Variants in PRXL2B observed in about 807,000 individuals in gnomAD.
PRXL2B encodes the protein peroxiredoxin like 2B.
PRXL2B carries 26 observed loss-of-function variants against 24.4 expected under a neutral mutation model. The ratio of observed to expected loss-of-function variants is 1.07; its 90% CI spans 0.78 to 1.48. PRXL2B has a LOEUF of 1.48. Ranked by LOEUF, PRXL2B falls within the 40% of genes most tolerant of loss-of-function variation. The pLI, the probability that PRXL2B is intolerant of heterozygous loss-of-function variation, is 0.00. For synonymous variants in PRXL2B, 115 were observed against 118.9 expected (o/e 0.97, Z 0.21); for missense variants, 269 against 264.8 (o/e 1.02, Z -0.11).
chr1:2,588,489 G>T lies in PRXL2B; in HGVS notation c.384+36G>T, dbSNP rs531113959. On this transcript the variant is annotated intron_variant, in intron 4 of 6. Coordinates refer to ENST00000419916, the MANE Select transcript of PRXL2B (RefSeq NM_152371.5). ...GTCAAGGGTGTACAGGCCGGGGGGT[G>T]GTGGGAGCTCCCAGGAGCCTTTCTT... 3.1e-6 allele frequency: 5 copies of T among 1,613,790 alleles called. No individual in the cohort carries two copies. The South Asian group carries it at 5.5e-5, about 18-fold the overall frequency.
chr1:2,589,726 T>A lies in PRXL2B; in HGVS notation c.*299T>A. 1 of 539,534 alleles carries A rather than the reference T, an allele frequency of 1.9e-6. No homozygotes were observed. The highest frequency in any genetic ancestry group is 4.7e-4 in the Middle Eastern group (1 of 2,124). The allele number at this position is 539,534 out of a possible 1,614,324, so 33.4% of individuals were successfully genotyped here. ...GCTCTGCGACTTTCTCTGGAGACCT[T>A]GGGCCTTTGGCCTGTGGGGCACTGG... On this transcript the variant is annotated 3_prime_UTR_variant, in exon 7 of 7. Transcript: ENST00000419916.
chr1:2,587,676 T>C lies in PRXL2B; in HGVS notation c.269-65T>C. Reference sequence around the variant, plus strand: ...GGTCGGAAGGAGGAGGGCGATTCTTTGTGGTGAGTGGGTTGGGGGCTGGTT... The same window carrying C: ...GGTCGGAAGGAGGAGGGCGATTCTTCGTGGTGAGTGGGTTGGGGGCTGGTT... On this transcript the variant is annotated intron_variant, in intron 2 of 6. Coordinates refer to ENST00000419916, the MANE Select transcript of PRXL2B (RefSeq NM_152371.5). The surrounding 1 kb of genome is among the most constrained non-coding windows in gnomAD (Gnocchi z 6.1). 1 of 1,537,514 alleles carries C rather than the reference T, an allele frequency of 6.5e-7. No individual in the cohort carries two copies. Among genetic ancestry groups the C allele is most frequent in the East Asian group, 2.4e-5 (1 of 42,204 alleles).
In PRXL2B at chr1:2,587,106, A is replaced by G; in HGVS notation, c.79A>G (p.Ser27Gly). 6.5e-7 allele frequency: 1 copy of G among 1,545,276 alleles called. No individual in the cohort carries two copies. The highest frequency in any genetic ancestry group is 8.7e-7 in the Non-Finnish European group (1 of 1,153,340). ...AVTGEAVELR[S>G]LWREHACVVA... ...CGCCCGGCAGGCCGTGGAGCTGCGGAGCCTGTGGCGGGAGCACGCGTGCGT... is the reference window on the plus strand; with the variant it reads ...CGCCCGGCAGGCCGTGGAGCTGCGGGGCCTGTGGCGGGAGCACGCGTGCGT... The change falls in exon 2 of 7, where the codon AGC becomes GGC. Residue 27 changes from serine (S) to glycine (G), a missense_variant. Coordinates refer to ENST00000419916, the MANE Select transcript of PRXL2B (RefSeq NM_152371.5). This position sits in a 1 kb window ranked among gnomAD's most constrained non-coding sequence, Gnocchi z 6.1.
In PRXL2B at chr1:2,589,791, G is replaced by T. The variant is rs914342917; in HGVS notation, c.*364G>T. 2.8e-5 allele frequency: 10 copies of T among 358,602 alleles called. No individual in the cohort carries two copies. The highest frequency in any genetic ancestry group is 5.1e-5 in the Non-Finnish European group (10 of 194,812). The allele number at this position is 358,602 out of a possible 1,614,324, so 22.2% of individuals were successfully genotyped here. ...CTGCCCCGTCACTCCCTTCAAAGGC[G>T]ACAGACCCAAGCCCACGTCAGGAGA... On this transcript the variant is annotated 3_prime_UTR_variant, in exon 7 of 7. Coordinates refer to ENST00000419916, the MANE Select transcript of PRXL2B (RefSeq NM_152371.5).
At position 2,589,546 on chromosome 1, in the gene PRXL2B, G is replaced by T; in HGVS notation, c.*119G>T. 1 of 1,420,532 alleles carries T rather than the reference G, an allele frequency of 7.0e-7. No homozygotes were observed. The highest frequency in any genetic ancestry group is 9.7e-7 in the Non-Finnish European group (1 of 1,032,094). 88.0% of individuals were successfully genotyped at this position (1,420,532 alleles called of 1,614,324 possible). On this transcript the variant is annotated 3_prime_UTR_variant, in exon 7 of 7. Transcript: ENST00000419916. Reference sequence around the variant, plus strand: ...TGGGTCGGGATGCCGAACCTCTCCTGATCCGCCGGCAGCAACGAGCCATTA... The same window carrying T: ...TGGGTCGGGATGCCGAACCTCTCCTTATCCGCCGGCAGCAACGAGCCATTA...
Position 2,587,360 on chromosome 1 carries a change from C to G in PRXL2B, c.268+65C>G. Reference sequence around the variant, plus strand: ...CCCTAAGCTCAGGGCGTTCGGGGCCCTTTCCTGCCCAACCCCGGCCCTTCT... The same window carrying G: ...CCCTAAGCTCAGGGCGTTCGGGGCCGTTTCCTGCCCAACCCCGGCCCTTCT... On this transcript the variant is annotated intron_variant, in intron 2 of 6. Transcript: ENST00000419916. The surrounding 1 kb of genome is among the most constrained non-coding windows in gnomAD (Gnocchi z 6.1). 6.6e-7 allele frequency: 1 copy of G among 1,506,474 alleles called. No homozygotes were observed. Among genetic ancestry groups the G allele is most frequent in the South Asian group, 1.2e-5 (1 of 83,322 alleles). The allele number at this position is 1,506,474 out of a possible 1,614,324, so 93.3% of individuals were successfully genotyped here.
Position 2,589,582 on chromosome 1 carries a change from T to G in PRXL2B, c.*155T>G. ...AGCAACGAGCCATTAAAACTGCAGT[T>G]CCTGACCACGCACTGCTTCGCAGGC... is the stretch of plus-strand genomic sequence containing the variant. On this transcript the variant is annotated 3_prime_UTR_variant, in exon 7 of 7. Coordinates refer to ENST00000419916, the MANE Select transcript of PRXL2B (RefSeq NM_152371.5). 6.0e-6 allele frequency: 6 copies of G among 992,664 alleles called. No individual in the cohort carries two copies. The highest frequency in any genetic ancestry group is 9.1e-6 in the Non-Finnish European group (6 of 656,028). The allele number at this position is 992,664 out of a possible 1,614,324, so 61.5% of individuals were successfully genotyped here. A position where few individuals can be genotyped will look rare whatever the true frequency, so the allele number is the denominator to read the frequency against.
Position 2,590,272 on chromosome 1 carries a change from A to C in PRXL2B, c.*845A>C, listed in dbSNP as rs1005753403. The C allele has an allele frequency of 6.6e-6, 1 of 152,284 alleles. No individual in the cohort carries two copies. Among genetic ancestry groups the C allele is most frequent in the African/African-American group, 2.4e-5 (1 of 41,368 alleles). The allele number at this position is 152,284 out of a possible 1,614,324, so 9.4% of individuals were successfully genotyped here. On this transcript the variant is annotated 3_prime_UTR_variant, in exon 7 of 7. Coordinates refer to ENST00000419916, the MANE Select transcript of PRXL2B (RefSeq NM_152371.5). Reference sequence around the variant, plus strand: ...CGGCTCCCTTCCTGCCCCCAATGCCACCCTTGCAGTGGCCATTTAAAAATG... The same window carrying C: ...CGGCTCCCTTCCTGCCCCCAATGCCCCCCTTGCAGTGGCCATTTAAAAATG...
At position 2,588,722 on chromosome 1, in the gene PRXL2B, C is replaced by T. The variant is rs1024890636; in HGVS notation, c.460+97C>T. 6.5e-6 allele frequency: 9 copies of T among 1,383,954 alleles called. No individual in the cohort carries two copies. In the African/African-American group the frequency reaches 1.3e-4, roughly 20 times the overall value. The allele number at this position is 1,383,954 out of a possible 1,614,324, so 85.7% of individuals were successfully genotyped here. The stretch of plus-strand genomic sequence containing the variant: ...CCTCTCTCTGGCTTGTCAGTCTCAT[C>T]ACAGCCCCTCCGCCGCAATGTGGCC... On this transcript the variant is annotated intron_variant, in intron 5 of 6. Transcript: ENST00000419916.
In PRXL2B at chr1:2,587,650, G is replaced by A. The variant is rs1288779676; in HGVS notation, c.269-91G>A. On this transcript the variant is annotated intron_variant, in intron 2 of 6. Coordinates refer to ENST00000419916, the MANE Select transcript of PRXL2B (RefSeq NM_152371.5). The surrounding 1 kb of genome is among the most constrained non-coding windows in gnomAD (Gnocchi z 6.1). Reference sequence around the variant, plus strand: ...CACGGAGGGTGGGCAGAGGAACAGAGGGTCGGAAGGAGGAGGGCGATTCTT... The same window carrying A: ...CACGGAGGGTGGGCAGAGGAACAGAAGGTCGGAAGGAGGAGGGCGATTCTT... 6 of 1,440,778 alleles carry A rather than the reference G, an allele frequency of 4.2e-6. No homozygotes were observed. Among genetic ancestry groups the A allele is most frequent in the African/African-American group, 1.4e-5 (1 of 71,014 alleles). 89.2% of individuals were successfully genotyped at this position (1,440,778 alleles called of 1,614,324 possible). A position where few individuals can be genotyped will look rare whatever the true frequency, so the allele number is the denominator to read the frequency against.
chr1:2,589,843 T>G lies in PRXL2B; in HGVS notation c.*416T>G. 1 of 229,150 alleles carries G rather than the reference T, an allele frequency of 4.4e-6. No individual in the cohort carries two copies. The highest frequency in any genetic ancestry group is 1.1e-4 in the East Asian group (1 of 8,976). 14.2% of individuals were successfully genotyped at this position (229,150 alleles called of 1,614,324 possible). ...GAGCGTGGGGTCAGCTCCAGCAGGG[T>G]CGGGGTCAGTGCCTGTGTCTGGTGG... is the stretch of plus-strand genomic sequence containing the variant. On this transcript the variant is annotated 3_prime_UTR_variant, in exon 7 of 7. Coordinates refer to ENST00000419916, the MANE Select transcript of PRXL2B (RefSeq NM_152371.5).
In PRXL2B at chr1:2,590,195, C is replaced by T. The variant is rs1644647311; in HGVS notation, c.*768C>T. Reference sequence around the variant, plus strand: ...AGGCCGATGACAACTGCAGCCCTCTCTGCACTCCCTAGTCCAGACCTGGGG... The same window carrying T: ...AGGCCGATGACAACTGCAGCCCTCTTTGCACTCCCTAGTCCAGACCTGGGG... On this transcript the variant is annotated 3_prime_UTR_variant, in exon 7 of 7. Transcript: ENST00000419916. 1 of 152,638 alleles carries T rather than the reference C, an allele frequency of 6.6e-6. No individual in the cohort carries two copies. The highest frequency in any genetic ancestry group is 2.4e-5 in the African/African-American group (1 of 41,436). The allele number at this position is 152,638 out of a possible 1,614,324, so 9.5% of individuals were successfully genotyped here.
intron 6 of PRXL2B, 80 bp downstream of exon 6, chr1:2,589,120 G>A (rs1644611051): frequency 8.7e-6 from 12 of 1,378,750 alleles, no homozygotes; most frequent in Middle Eastern, 2.4e-4. Context: ...CGGCTTGGCT[G>A]GGAGCTGAGC....
At position 2,591,022 on chromosome 1, in the gene PRXL2B, T is replaced by C; in HGVS notation, c.*1595T>C. The C allele has an allele frequency of 6.2e-7, 1 of 1,604,670 alleles. No homozygotes were observed. The highest frequency in any genetic ancestry group is 1.1e-5 in the South Asian group (1 of 89,352). ...ACGCGGCATCGCTCCTTGGGGTGCA[T>C]GGGGGTGCCCCGGGCACAGTGGAAC... On this transcript the variant is annotated 3_prime_UTR_variant, in exon 7 of 7. Transcript: ENST00000419916.
At position 2,590,967 on chromosome 1, in the gene PRXL2B, C is replaced by A; in HGVS notation, c.*1540C>A. 6.6e-7 allele frequency: 1 copy of A among 1,513,884 alleles called. No homozygotes were observed. 93.8% of individuals were successfully genotyped at this position (1,513,884 alleles called of 1,614,324 possible). Reference sequence around the variant, plus strand: ...CTCCGAGCAGCGGGTGGGCGTGGGCCGCACAGCGCGGCAGGGCCTTGGCTA... The same window carrying A: ...CTCCGAGCAGCGGGTGGGCGTGGGCAGCACAGCGCGGCAGGGCCTTGGCTA... On this transcript the variant is annotated 3_prime_UTR_variant, in exon 7 of 7. Transcript: ENST00000419916.
rs1198093422 is a variant in PRXL2B, at chr1:2,587,921, C to T, written c.320+129C>T. On this transcript the variant is annotated intron_variant, in intron 3 of 6. Coordinates refer to ENST00000419916, the MANE Select transcript of PRXL2B (RefSeq NM_152371.5). The surrounding 1 kb of genome is among the most constrained non-coding windows in gnomAD (Gnocchi z 6.1). Reference sequence around the variant, plus strand: ...ACTCGGGCCTTCCTGGGCAAGGCGGCTCTGGTGGCACTGTTGACCAGCCCT... The same window carrying T: ...ACTCGGGCCTTCCTGGGCAAGGCGGTTCTGGTGGCACTGTTGACCAGCCCT... 3.8e-6 allele frequency: 4 copies of T among 1,054,858 alleles called. No individual in the cohort carries two copies. The highest frequency in any genetic ancestry group is 6.1e-4 in the Middle Eastern group (2 of 3,254). 65.3% of individuals were successfully genotyped at this position (1,054,858 alleles called of 1,614,324 possible).
At position 2,589,698 on chromosome 1, in the gene PRXL2B, C is replaced by T. The variant is rs1028938090; in HGVS notation, c.*271C>T. 5.3e-6 allele frequency: 3 copies of T among 569,156 alleles called. No homozygotes were observed. The highest frequency in any genetic ancestry group is 6.4e-5 in the Admixed American group (2 of 31,066). The allele number at this position is 569,156 out of a possible 1,614,324, so 35.3% of individuals were successfully genotyped here. On this transcript the variant is annotated 3_prime_UTR_variant, in exon 7 of 7. Coordinates refer to ENST00000419916, the MANE Select transcript of PRXL2B (RefSeq NM_152371.5). ...GGCTGTGAGTCCCAGGTGTCATCTT[C>T]CTGCTCTGCGACTTTCTCTGGAGAC...
In PRXL2B at chr1:2,587,367, G is replaced by A. The variant is rs1034600758; in HGVS notation, c.268+72G>A. 2.0e-6 allele frequency: 3 copies of A among 1,491,858 alleles called. No individual in the cohort carries two copies. The African/African-American group carries it at 4.2e-5, about 21-fold the overall frequency. 92.4% of individuals were successfully genotyped at this position (1,491,858 alleles called of 1,614,324 possible). On this transcript the variant is annotated intron_variant, in intron 2 of 6. Coordinates refer to ENST00000419916, the MANE Select transcript of PRXL2B (RefSeq NM_152371.5). This position sits in a 1 kb window ranked among gnomAD's most constrained non-coding sequence, Gnocchi z 6.1. The stretch of plus-strand genomic sequence containing the variant: ...CTCAGGGCGTTCGGGGCCCTTTCCT[G>A]CCCAACCCCGGCCCTTCTGTCTGCT...
chr1:2,589,376 C>T (rs761193255), intron 6 of PRXL2B, 34 bp from the exon 7 acceptor site: 21 of 1,610,824 alleles, frequency 1.3e-5, no homozygotes, highest in Non-Finnish European at 1.4e-5. Context: ...GATCCAGTGT[C>T]CAGCGGCCCC....
Sources: allele counts gnomAD v4.1 joint callset, GRCh38; gene constraint gnomAD v4.1.1; non-coding constraint Gnocchi (gnomAD v3.1); transcripts MANE v1.5; gene names NCBI Gene and HGNC (gene_info 2026-07-23, HGNC 2026-07-21).